The following ZFHX2 variants were observed in gnomAD, a reference collection of about 807,000 sequenced individuals.
ZFHX2 encodes zinc finger homeobox protein 2.
In ZFHX2, 75 loss-of-function variants were observed where a neutral mutation model predicts 164.8. That is an observed-to-expected ratio of 0.46 (90% CI 0.38 to 0.55). ZFHX2 has a LOEUF of 0.55. ZFHX2 is among the 20% of genes least tolerant of loss of function. The pLI is 0.00. For missense variants in ZFHX2, 2,933 were observed against 3,308.0 expected (o/e 0.89, Z 2.78); for synonymous variants, 1,217 against 1,351.4 (o/e 0.90, Z 2.18).
Position 23,521,644 on chromosome 14 carries a change from A to G in ZFHX2, c.*318T>C, listed in dbSNP as rs1277625661. The G allele has an allele frequency of 3.3e-6, 1 of 304,080 alleles. No individual in the cohort carries two copies. Among genetic ancestry groups the G allele is most frequent in the African/African-American group, 2.2e-5 (1 of 45,834 alleles). The allele number at this position is 304,080 out of a possible 1,614,324, so 18.8% of individuals were successfully genotyped here. ...AAAAGGAAGATAGAACCAAGGATAT[A>G]TTTTGTGTGTGGTAGGCAGACATGT... On this transcript the variant is annotated 3_prime_UTR_variant, in exon 10 of 10. Coordinates refer to ENST00000419474, the MANE Select transcript of ZFHX2 (RefSeq NM_033400.3).
At chr14:23,543,632 T>C (rs1215859606) in intron 1 of ZFHX2, 4 of 152,240 alleles carry the variant, frequency 2.6e-5, no homozygotes, top group Non-Finnish European at 5.9e-5. Flanking sequence ...GCACTGGCCA[T>C]GCCCTGTGTG....
chr14:23,536,809 C>T lies in ZFHX2; in HGVS notation c.-49-1435G>A, dbSNP rs112678937. Among the ~76,000 whole-genome samples, 414 of 152,166 alleles carry T rather than the reference C, an allele frequency of 2.7e-3. 3 individuals are homozygous for T. Among genetic ancestry groups the T allele is most frequent in the Middle Eastern group, 0.024 (7 of 294 alleles). ...ACCCAGCTAGACTGTCCCTTGGACA[C>T]AATACAGGTAAAATGAGACTCCAAA... On this transcript the variant is annotated intron_variant, in intron 1 of 9. Transcript: ENST00000419474.
intron 1 of ZFHX2, among the ~76,000 whole-genome samples, chr14:23,550,416 C>T (rs911770332): frequency 2.0e-5 from 3 of 152,132 alleles, no homozygotes; most frequent in Admixed American, 2.0e-4. Flanking sequence ...AATCCTAGAC[C>T]GACAGAACAG....
chr14:23,527,024 A>G (rs950992567), intron 7 of ZFHX2, 51 bp from the exon 8 acceptor site: 9 of 1,459,698 alleles, frequency 6.2e-6, no homozygotes, highest in Non-Finnish European at 8.1e-6. Flanking sequence ...CACTGCCCCT[A>G]TGCCACTCCT....
chr14:23,521,869 G>A lies in ZFHX2; in HGVS notation c.*93C>T, dbSNP rs770653335. On this transcript the variant is annotated 3_prime_UTR_variant, in exon 10 of 10. Transcript: ENST00000419474. ...CCTGTGAGGTGGGCGGGGCCAGGGG[G>A]TGGGGTGAGGGATTTGAGCTCCCAC... is the stretch of plus-strand genomic sequence containing the variant. 3 of 1,500,370 alleles carry A rather than the reference G, an allele frequency of 2.0e-6. No homozygotes were observed. Among genetic ancestry groups the A allele is most frequent in the Admixed American group, 2.1e-5 (1 of 47,624 alleles). 92.9% of individuals were successfully genotyped at this position (1,500,370 alleles called of 1,614,324 possible).
Position 23,532,690 on chromosome 14 carries a change from A to G in ZFHX2, c.2436T>C (p.Pro812=). ...GGTGTAGTGGGGAGACAGACCCATAAGGAGCCCCATCTCCCAGGGATGCTG... is the reference window on the plus strand; with the variant it reads ...GGTGTAGTGGGGAGACAGACCCATAGGGAGCCCCATCTCCCAGGGATGCTG... The part of the protein sequence containing the change: ...PSPASLGDGA[P]YGSVSPLHLR... Residue 812 remains proline (P), a synonymous_variant, in exon 3 of 10, where the codon CCT becomes CCC. Coordinates refer to ENST00000419474, the MANE Select transcript of ZFHX2 (RefSeq NM_033400.3). The G allele has an allele frequency of 1.3e-6, 2 of 1,529,254 alleles. No individual in the cohort carries two copies. The highest frequency in any genetic ancestry group is 1.7e-6 in the Non-Finnish European group (2 of 1,143,100). 94.7% of individuals were successfully genotyped at this position (1,529,254 alleles called of 1,614,324 possible). A position where few individuals can be genotyped will look rare whatever the true frequency, so the allele number is the denominator to read the frequency against.
Position 23,533,421 on chromosome 14 carries a change from A to G in ZFHX2, c.1905T>C (p.Phe635=), listed in dbSNP as rs974694157. The G allele has an allele frequency of 6.6e-7, 1 of 1,514,222 alleles. No individual in the cohort carries two copies. Among genetic ancestry groups the G allele is most frequent in the Non-Finnish European group, 8.8e-7 (1 of 1,133,188 alleles). The allele number at this position is 1,514,222 out of a possible 1,614,324, so 93.8% of individuals were successfully genotyped here. ...PTSPPELFQY[F]GPQALGQPQT... is the part of the protein sequence containing the mutation. ...GAGGCTGCCCTAGGGCCTGGGGCCC[A>G]AAGTACTGGAAGAGTTCAGGGGGGC... is the stretch of plus-strand genomic sequence containing the variant. The change falls in exon 2 of 10, where the codon TTT becomes TTC. Residue 635 remains phenylalanine, a synonymous_variant. Transcript: ENST00000419474. The surrounding 1 kb of genome is among the most constrained non-coding windows in gnomAD (Gnocchi z 4.8).
In ZFHX2 at chr14:23,535,829, T is replaced by C. The variant is rs931100898; in HGVS notation, c.-49-455A>G. On this transcript the variant is annotated intron_variant, in intron 1 of 9. Transcript: ENST00000419474. The surrounding 1 kb of genome is among the most constrained non-coding windows in gnomAD (Gnocchi z 4.5). Reference sequence around the variant, plus strand: ...CTGGTCTCTAACTCCCGACCTCAAGTGATCCGCCCACCTCGGCCTCCCAAA... The same window carrying C: ...CTGGTCTCTAACTCCCGACCTCAAGCGATCCGCCCACCTCGGCCTCCCAAA... Among the ~76,000 whole-genome samples, 49 of 152,142 alleles carry C rather than the reference T, an allele frequency of 3.2e-4. No homozygotes were observed. Among genetic ancestry groups the C allele is most frequent in the African/African-American group, 1.2e-3 (48 of 41,410 alleles).
At chr14:23,532,218 T>G in intron 3 of ZFHX2, 1 of 199,572 alleles carries the variant, frequency 5.0e-6, no homozygotes, top group Non-Finnish European at 1.0e-5. Context: ...CCCTTTCTCT[T>G]TCTCCTACCA....
At position 23,534,202 on chromosome 14, in the gene ZFHX2, A is replaced by T; in HGVS notation, c.1124T>A (p.Phe375Tyr). The T allele has an allele frequency of 6.7e-7, 1 of 1,487,668 alleles. No individual in the cohort carries two copies. Among genetic ancestry groups the T allele is most frequent in the Non-Finnish European group, 8.9e-7 (1 of 1,122,494 alleles). 92.2% of individuals were successfully genotyped at this position (1,487,668 alleles called of 1,614,324 possible). Residue 375 changes from phenylalanine (F) to tyrosine (Y), a missense_variant, in exon 2 of 10, where the codon TTC (phenylalanine) becomes TAC (tyrosine). By Grantham distance (22) the Phe-to-Tyr change is conservative (BLOSUM62 3). Coordinates refer to ENST00000419474, the MANE Select transcript of ZFHX2 (RefSeq NM_033400.3). This position sits in a 1 kb window ranked among gnomAD's most constrained non-coding sequence, Gnocchi z 4.5. ...TCCATCCTCTTCTTGCCCCTCAGGG[A>T]ACCAATCTGGCCCTGCCTCGCCTGC... is the stretch of plus-strand genomic sequence containing the variant. ...VAAGEAGPDW[F>Y]PEGQEEDGGL...
upstream of ZFHX2, among the ~76,000 whole-genome samples, chr14:23,553,473 C>T (rs1882121865): frequency 6.6e-6 from 1 of 152,108 alleles, no homozygotes; most frequent in African/African-American, 2.4e-5. Flanking sequence ...GTGGTGGGCA[C>T]CTGTAATCCC....
intron 7 of ZFHX2, among the ~76,000 whole-genome samples, chr14:23,527,286 C>G (rs1211353917): frequency 1.3e-5 from 2 of 152,356 alleles, no homozygotes; most frequent in African/African-American, 4.8e-5. Flanking sequence ...ACAGAAGCCT[C>G]TGCCTCATCT....
chr14:23,526,890 G>A lies in ZFHX2; in HGVS notation c.3219C>T (p.Pro1073=), dbSNP rs184266886. ...LSPLDNGQEP[P]THGPEPTPSR... Reference sequence around the variant, plus strand: ...TCGGTGTAGGCTCTGGCCCATGAGTGGGGGGTTCTTGGCCATTGTCCAGAG... The same window carrying A: ...TCGGTGTAGGCTCTGGCCCATGAGTAGGGGGTTCTTGGCCATTGTCCAGAG... The change falls in exon 8 of 10, where the codon CCC becomes CCT. Residue 1073 remains proline, a synonymous_variant. Transcript: ENST00000419474. 6.5e-7 allele frequency: 1 copy of A among 1,534,000 alleles called. No individual in the cohort carries two copies. The highest frequency in any genetic ancestry group is 1.2e-5 in the South Asian group (1 of 83,756).
chr14:23,534,999 G>A lies in ZFHX2; in HGVS notation c.327C>T (p.Asp109=). The change falls in exon 2 of 10, where the codon GAC becomes GAT. Residue 109 remains aspartate (D), a synonymous_variant. Coordinates refer to ENST00000419474, the MANE Select transcript of ZFHX2 (RefSeq NM_033400.3). This position sits in a 1 kb window ranked among gnomAD's most constrained non-coding sequence, Gnocchi z 4.5. ...EEEEEGLPPM[D]LSNHLFFTAG... ...CTGTGAAGAATAAGTGGTTGCTTAGGTCCATGGGAGGGAGCCCTTCTTCTT... is the reference window on the plus strand; with the variant it reads ...CTGTGAAGAATAAGTGGTTGCTTAGATCCATGGGAGGGAGCCCTTCTTCTT... 1 of 1,536,160 alleles carries A rather than the reference G, an allele frequency of 6.5e-7. No individual in the cohort carries two copies. Among genetic ancestry groups the A allele is most frequent in the South Asian group, 1.2e-5 (1 of 84,060 alleles).
rs1489813138 is a variant in ZFHX2 at position 23,533,852 on chromosome 14, G to T, written c.1474C>A (p.His492Asn). The T allele has an allele frequency of 6.5e-7, 1 of 1,539,012 alleles. No homozygotes were observed. Among genetic ancestry groups the T allele is most frequent in the Non-Finnish European group, 8.7e-7 (1 of 1,148,042 alleles). ...HCSYCSAGGAHPRLARGESYN... is the reference protein window; with the variant it reads ...HCSYCSAGGANPRLARGESYN... ...CTCTCTCCACGAGCAAGGCGGGGGTGGGCGCCCCCAGCACTGCAGTAGCTG... is the reference window on the plus strand; with the variant it reads ...CTCTCTCCACGAGCAAGGCGGGGGTTGGCGCCCCCAGCACTGCAGTAGCTG... The change falls in exon 2 of 10, where the codon CAC (histidine) becomes AAC (asparagine). Residue 492 changes from histidine (H) to asparagine (N), a missense_variant. By Grantham distance (68) the His-to-Asn change is moderately conservative. Coordinates refer to ENST00000419474, the MANE Select transcript of ZFHX2 (RefSeq NM_033400.3). This position sits in a 1 kb window ranked among gnomAD's most constrained non-coding sequence, Gnocchi z 4.8.
At position 23,525,561 on chromosome 14, in the gene ZFHX2, C is replaced by T. The variant is rs1161956944; in HGVS notation, c.4381G>A (p.Ala1461Thr). Residue 1461 changes from alanine (A) to threonine (T), a missense_variant, in exon 9 of 10, where the codon GCT (alanine) becomes ACT (threonine). Physicochemically the swap from Ala to Thr is moderately conservative, Grantham distance 58. Coordinates refer to ENST00000419474, the MANE Select transcript of ZFHX2 (RefSeq NM_033400.3). The surrounding 1 kb of genome is among the most constrained non-coding windows in gnomAD (Gnocchi z 5.9). ...LVIQYNEGKQ[A>T]VPPPPTPPPP... ...GGTGGGGTAGGGGGAGGGGGCACAG[C>T]TTGCTTCCCTTCATTGTACTGGATC... The T allele has an allele frequency of 6.5e-7, 1 of 1,535,278 alleles. No individual in the cohort carries two copies. Among genetic ancestry groups the T allele is most frequent in the Non-Finnish European group, 8.7e-7 (1 of 1,146,840 alleles).
At chr14:23,536,054 A>G (rs1477340710) in intron 1 of ZFHX2, among the ~76,000 whole-genome samples, 2 of 152,224 alleles carry the variant, frequency 1.3e-5, no homozygotes, top group African/African-American at 2.4e-5. Flanking sequence ...AAACATGTCA[A>G]TCCCTCCATT....
Position 23,551,268 on chromosome 14 carries a change from G to C in ZFHX2, c.-50+75C>G, listed in dbSNP as rs1881922846. ...CTCTCCCGTCTCGAGCTTCCAAAGAGCAAGGAAGGGAAGAAGAGAGAGAGG... is the reference window on the plus strand; with the variant it reads ...CTCTCCCGTCTCGAGCTTCCAAAGACCAAGGAAGGGAAGAAGAGAGAGAGG... On this transcript the variant is annotated intron_variant, in intron 1 of 9. Transcript: ENST00000419474. This position sits in a 1 kb window ranked among gnomAD's most constrained non-coding sequence, Gnocchi z 5.3. 6.6e-6 allele frequency: 1 copy of C among 152,342 alleles called. No individual in the cohort carries two copies. Among genetic ancestry groups the C allele is most frequent in the Non-Finnish European group, 1.5e-5 (1 of 68,024 alleles). The allele number at this position is 152,342 out of a possible 1,614,324, so 9.4% of individuals were successfully genotyped here. A position where few individuals can be genotyped will look rare whatever the true frequency, so the allele number is the denominator to read the frequency against.
intron 3 of ZFHX2, 187 bp downstream of exon 3, chr14:23,532,380 A>G: frequency 1.5e-6 from 1 of 666,182 alleles, no homozygotes; most frequent in East Asian, 3.1e-5. Context: ...AGAGTTTACT[A>G]TCCTTTGGTC....
Sources: allele counts gnomAD v4.1 joint callset (sites outside exome capture counted in the v4.1 genomes callset), GRCh38; gene constraint gnomAD v4.1.1; non-coding constraint Gnocchi (gnomAD v3.1); transcripts MANE v1.5; gene names NCBI Gene and HGNC (gene_info 2026-07-23, HGNC 2026-07-21).